The following DMD variants were observed in gnomAD, a reference collection of about 807,000 sequenced individuals.
DMD encodes the protein mutant dystrophin.
DMD carries 63 observed loss-of-function variants against 330.1 expected under a neutral mutation model. The ratio of observed to expected loss-of-function variants is 0.19; its 90% CI spans 0.16 to 0.24. DMD has a LOEUF of 0.24. DMD is among the 10% of genes least tolerant of loss of function. DMD has a pLI of 1.00. For missense variants in DMD, 3,344 were observed against 2,684.1 expected, an observed-to-expected ratio of 1.25 and a Z score of -5.43; for synonymous variants, 1,223 against 959.8, an observed-to-expected ratio of 1.27 and a Z score of -5.07.
At position 32,342,353 on chromosome X, in the gene DMD, T is replaced by C. The variant is rs1056669516; in HGVS notation, c.5740-71A>G. ...CATCAACCGACTTGCAAGCAGCAAA[T>C]ACTTCTCTCAAAATTTCAAAGGCTG... On this transcript the variant is annotated intron_variant, in intron 40 of 78. Transcript: ENST00000357033. 30 of 1,087,603 alleles carry C rather than the reference T, an allele frequency of 2.8e-5. No homozygotes were observed. In the Admixed American group the frequency reaches 4.0e-4, roughly 14 times the overall value. The allele number at this position is 1,087,603 out of a possible 1,213,427, so 89.6% of individuals were successfully genotyped here.
intron 11 of DMD, among the ~76,000 whole-genome samples, chrX:32,625,702 A>G (rs2058303178): frequency 8.9e-6 from 1 of 112,553 alleles, no homozygotes; most frequent in African/African-American, 3.2e-5. Flanking sequence ...TATAAAATGT[A>G]TAAACATATA....
At chrX:32,102,679 C>T (rs1005518722) in intron 44 of DMD, among the ~76,000 whole-genome samples, 6 of 111,233 alleles carry the variant, frequency 5.4e-5, no homozygotes, top group African/African-American at 2.0e-4. Flanking sequence ...ATATGAAACA[C>T]GATGATGAAC....
intron 62 of DMD, among the ~76,000 whole-genome samples, chrX:31,271,066 T>C (rs748459829): frequency 9.0e-6 from 1 of 111,630 alleles, no homozygotes; most frequent in Non-Finnish European, 1.9e-5. Context: ...TCTTGGACAT[T>C]AGGATTTCTA....
At chrX:33,210,481 A>C (rs2051837855) in intron 1 of DMD, among the ~76,000 whole-genome samples, 1 of 111,077 alleles carries the variant, frequency 9.0e-6, no homozygotes, top group Non-Finnish European at 1.9e-5. Context: ...TAAACGAAAT[A>C]GTTGTATTTC....
chrX:33,012,318 A>C (rs745558726), intron 2 of DMD, among the ~76,000 whole-genome samples: 1 of 111,781 alleles, frequency 8.9e-6, no homozygotes, highest in African/African-American at 3.2e-5. Flanking sequence ...TCATCTTAAC[A>C]CCAAGTGTAG....
intron 67 of DMD, among the ~76,000 whole-genome samples, chrX:31,185,632 TAAGAA>T (rs1430004296): frequency 1.8e-5 from 2 of 112,178 alleles, no homozygotes; most frequent in Non-Finnish European, 3.8e-5. Context: ...TAAACACAAT[TAAGAA>T]AATAATCTGT....
chrX:32,469,192 T>C (rs1409088914), intron 22 of DMD, among the ~76,000 whole-genome samples: 3 of 110,461 alleles, frequency 2.7e-5, no homozygotes, highest in African/African-American at 6.5e-5. Flanking sequence ...TATTCTGTTA[T>C]GTAGTATTAT....
chrX:31,888,504 T>C (rs991060422), intron 47 of DMD, among the ~76,000 whole-genome samples: 1 of 111,979 alleles, frequency 8.9e-6, no homozygotes, highest in Admixed American at 9.5e-5. Flanking sequence ...AATTAAATAA[T>C]TCATGTAAAC....
At chrX:33,311,858 A>G in intron 1 of DMD, among the ~76,000 whole-genome samples, 1 of 111,198 alleles carries the variant, frequency 9.0e-6, no homozygotes, top group Non-Finnish European at 1.9e-5. Context: ...CTAGCATAAT[A>G]AAAACAGAAA....
At chrX:32,129,044 G>T (rs2146884920) in intron 44 of DMD, among the ~76,000 whole-genome samples, 1 of 111,190 alleles carries the variant, frequency 9.0e-6, no homozygotes, top group South Asian at 3.8e-4. Context: ...AAATACCAAG[G>T]ACAGTTACAG....
At chrX:31,758,442 C>T (rs1679525451) in intron 51 of DMD, among the ~76,000 whole-genome samples, 1 of 111,345 alleles carries the variant, frequency 9.0e-6, no homozygotes, top group Non-Finnish European at 1.9e-5. Context: ...CACTCCAAGA[C>T]TTCCCTTTCA....
chrX:31,724,511 C>T (rs1261855579), intron 52 of DMD, among the ~76,000 whole-genome samples: 1 of 109,941 alleles, frequency 9.1e-6, no homozygotes, highest in Non-Finnish European at 1.9e-5. Context: ...TAAGCTATCA[C>T]TAAATTTCTC....
intron 7 of DMD, among the ~76,000 whole-genome samples, chrX:32,725,474 A>G (rs767931853): frequency 3.0e-4 from 33 of 111,182 alleles, no homozygotes; most frequent in Non-Finnish European, 9.5e-5. Context: ...GGAAACCAAA[A>G]AACAGCAGGA....
Position 31,392,239 on chromosome X carries a change from G to A in DMD, c.9085-43605C>T, listed in dbSNP as rs753895697. On this transcript the variant is annotated intron_variant, in intron 60 of 78. Coordinates refer to ENST00000357033, the MANE Select transcript of DMD (RefSeq NM_004006.3). ...GTGTGGCAGCCATTTTATAACCATC[G>A]CGTGACAATTCCAAAGACCAAAGCC... is the stretch of plus-strand genomic sequence containing the variant. Among the ~76,000 whole-genome samples, 11 of 111,984 alleles carry A rather than the reference G, an allele frequency of 9.8e-5. No individual in the cohort carries two copies. In the South Asian group the frequency reaches 1.5e-3, roughly 15 times the overall value.
chrX:31,312,503 T>C (rs1438472240), intron 62 of DMD, among the ~76,000 whole-genome samples: 2 of 112,536 alleles, frequency 1.8e-5, no homozygotes, highest in Non-Finnish European at 3.8e-5. Flanking sequence ...TTTTGAACTG[T>C]TGATGGGAAT....
chrX:33,126,025 C>A (rs1227449424), intron 1 of DMD, among the ~76,000 whole-genome samples: 4 of 83,973 alleles, frequency 4.8e-5, no homozygotes, highest in Non-Finnish European at 9.1e-5. Context: ...GGTGACAGAG[C>A]GAGACTCCGT....
chrX:32,136,160 A>AT (rs761689962), intron 44 of DMD, among the ~76,000 whole-genome samples: 1 of 112,527 alleles, frequency 8.9e-6, no homozygotes, highest in Non-Finnish European at 1.9e-5. Context: ...TTTTAGTAAT[A>AT]TTTTTCATTG....
intron 1 of DMD, among the ~76,000 whole-genome samples, chrX:33,245,286 A>T (rs1325706458): frequency 1.0e-4 from 3 of 29,552 alleles, no homozygotes; most frequent in Admixed American, 3.9e-4. Flanking sequence ...TCTGAAAAGT[A>T]AAAAAAAAAA....
chrX:31,527,690 C>A (rs1449938105), intron 55 of DMD, among the ~76,000 whole-genome samples: 1 of 111,220 alleles, frequency 9.0e-6, no homozygotes, highest in African/African-American at 3.3e-5. Context: ...TGGAGAAGGG[C>A]AGTTGCTAAC....
Sources: gnomAD v4.1 joint callset for allele counts (sites outside exome capture counted in the v4.1 genomes callset) on GRCh38, gnomAD v4.1.1 for gene constraint, MANE v1.5 for transcripts, NCBI Gene and HGNC (gene_info 2026-07-23, HGNC 2026-07-21) for gene names.